MRAP: variants seen among roughly 807,000 people sequenced by gnomAD.
The protein encoded by MRAP is melanocortin-2 receptor accessory protein.
MRAP carries 8 observed loss-of-function variants against 8.7 expected under a neutral mutation model. The ratio of observed to expected loss-of-function variants is 0.92; its 90% CI spans 0.54 to 1.66. MRAP has a LOEUF of 1.66. Among genes scored for constraint, MRAP ranks in the 40% most tolerant of loss-of-function variants. The pLI is 0.00. For synonymous variants in MRAP, 95 were observed against 95.5 expected (o/e 1.00, Z 0.03); for missense variants, 237 against 217.1 (o/e 1.09, Z -0.58).
At chr21:32,293,796 T>C (rs2123487713) in intron 2 of MRAP, among the ~76,000 whole-genome samples, 1 of 152,354 alleles carries the variant, frequency 6.6e-6, no homozygotes, top group South Asian at 2.1e-4. Context: ...AATATAAGTA[T>C]GTCATTATTA....
chr21:32,311,907 T>C lies in MRAP; in HGVS notation c.430T>C (p.Trp144Arg), dbSNP rs2032587477. 1 of 1,613,860 alleles carries C rather than the reference T, an allele frequency of 6.2e-7. No individual in the cohort carries two copies. Among genetic ancestry groups the C allele is most frequent in the South Asian group, 1.1e-5 (1 of 91,082 alleles). The change falls in exon 3 of 3, where the codon TGG becomes CGG. Residue 144 changes from tryptophan to arginine, a missense_variant. Physicochemically the swap from Trp to Arg is moderately radical, Grantham distance 101 (BLOSUM62 -3). Coordinates refer to ENST00000303645, the MANE Select transcript of MRAP (RefSeq NM_001379228.1). ...TTTCCAGACCCACCCCACTCTCCTC[T>C]GGGAACTGACCCTCAATGGGGGTCC... ...GGFQTHPTLLWELTLNGGPLV... is the reference protein window; with the variant it reads ...GGFQTHPTLLRELTLNGGPLV...
intron 1 of MRAP, among the ~76,000 whole-genome samples, chr21:32,302,979 C>CTTTTTTTT (rs57692462): frequency 8.0e-6 from 1 of 124,244 alleles, no homozygotes. Flanking sequence ...CCCCAATTCC[C>CTTTTTTTT]TTTTTTTTTT....
chr21:32,304,562 C>A (rs1284332247), intron 1 of MRAP, among the ~76,000 whole-genome samples: 1 of 151,826 alleles, frequency 6.6e-6, no homozygotes, highest in Non-Finnish European at 1.5e-5. Context: ...TTGCAGTGAG[C>A]CGAGATTGTG....
At chr21:32,296,283 T>G (rs545399430), upstream of MRAP, among the ~76,000 whole-genome samples, 7 of 152,312 alleles carry the variant, frequency 4.6e-5, no homozygotes, top group East Asian at 1.4e-3. Context: ...TCTGAGATAC[T>G]GGGGGTGAAG....
At chr21:32,303,807 A>T (rs978010930) in intron 1 of MRAP, among the ~76,000 whole-genome samples, 1 of 152,256 alleles carries the variant, frequency 6.6e-6, no homozygotes, top group Non-Finnish European at 1.5e-5. Context: ...CTTCAGAAGG[A>T]AGAGGAAAAA....
intron 1 of MRAP, among the ~76,000 whole-genome samples, chr21:32,305,991 T>C (rs546396052): frequency 6.6e-6 from 1 of 152,266 alleles, no homozygotes; most frequent in East Asian, 1.9e-4. Flanking sequence ...AATACAGCCA[T>C]CATGCTGGTA....
intron 1 of MRAP, 86 bp from the exon 2 acceptor site, chr21:32,306,554 A>G: frequency 8.9e-7 from 1 of 1,121,938 alleles, no homozygotes; most frequent in South Asian, 1.3e-5. Flanking sequence ...CCCTCATTCC[A>G]CAATACCCTG....
At chr21:32,297,649 A>C (rs1292369741), upstream of MRAP, among the ~76,000 whole-genome samples, 3 of 152,232 alleles carry the variant, frequency 2.0e-5, no homozygotes, top group African/African-American at 7.2e-5. Context: ...ACATAGTGTC[A>C]GGATTGAGTT....
upstream of MRAP, among the ~76,000 whole-genome samples, chr21:32,297,252 T>C (rs1278631741): frequency 2.6e-5 from 4 of 152,276 alleles, no homozygotes; most frequent in East Asian, 1.9e-4. Context: ...GAACCAACCA[T>C]ATATTAGAGG....
rs569113088 is a variant in MRAP at position 32,300,379 on chromosome 21, CA to C, written c.106+1303del. On this transcript the variant is annotated intron_variant, in intron 1 of 2. Transcript: ENST00000303645. ...ATGTCAGATGTCACACATCCTATGT[CA>C]GGGGCGTCACGCATCCTATGTCGGA... Among the ~76,000 whole-genome samples the C allele has an allele frequency of 2.5e-3, 368 of 147,734 alleles. 1 individual carries two copies. The highest frequency in any genetic ancestry group is 8.6e-3 in the African/African-American group (341 of 39,574).
intron 1 of MRAP, 39 bp downstream of exon 1, chr21:32,299,116 G>A (rs1601096054): frequency 2.6e-6 from 4 of 1,538,072 alleles, no homozygotes; most frequent in African/African-American, 1.4e-5. Context: ...ACAGAGGCTG[G>A]GGGCCGGGGC....
rs139661314 is a variant in MRAP at position 32,303,049 on chromosome 21, G to A, written c.107-3591G>A. ...GGCTGGAGTGCAGTGACTCAATCTC[G>A]GCTCACTGCAACCTCTGCCTCCCAA... On this transcript the variant is annotated intron_variant, in intron 1 of 2. Coordinates refer to ENST00000303645, the MANE Select transcript of MRAP (RefSeq NM_001379228.1). Among the ~76,000 whole-genome samples, 249 of 137,012 alleles carry A rather than the reference G, an allele frequency of 1.8e-3. 1 individual carries two copies. The highest frequency in any genetic ancestry group is 6.5e-3 in the African/African-American group (233 of 35,932). The allele number at this position is 137,012 out of a possible 152,430, so 89.9% of individuals were successfully genotyped here.
rs1370627273 is a variant in MRAP at position 32,308,791 on chromosome 21, G to C, written c.206+2052G>C. The C allele has an allele frequency of 2.6e-5, 4 of 153,142 alleles. No homozygotes were observed. In the East Asian group the frequency reaches 7.7e-4, roughly 29 times the overall value. 9.5% of individuals were successfully genotyped at this position (153,142 alleles called of 1,614,324 possible). ...GAGGGATGGACCTGGTGGCTATGGG[G>C]GCTGCACTGATTGGTCCAGGAGGAG... On this transcript the variant is annotated intron_variant, in intron 2 of 2. Coordinates refer to ENST00000303645, the MANE Select transcript of MRAP (RefSeq NM_001379228.1).
chr21:32,314,512 G>A (rs367708511), downstream of MRAP: 10 of 1,580,804 alleles, frequency 6.3e-6, no homozygotes, highest in South Asian at 1.1e-5. Flanking sequence ...ATCTCTCTTC[G>A]TTTTCATAAA....
intron 1 of MRAP, among the ~76,000 whole-genome samples, chr21:32,301,096 GATATC>G (rs1434726936): frequency 8.1e-5 from 12 of 148,434 alleles, no homozygotes; most frequent in African/African-American, 2.6e-4. Flanking sequence ...TATCGTATAT[GATATC>G]ATATATCATA....
In MRAP at chr21:32,312,096, G is replaced by T; in HGVS notation, c.*100G>T. 7.6e-6 allele frequency: 12 copies of T among 1,587,438 alleles called. No individual in the cohort carries two copies. The highest frequency in any genetic ancestry group is 1.0e-5 in the Non-Finnish European group (12 of 1,173,224). ...TCTTAGAGGCCATTTGCATGTAGCAGAAAGGGCACCTAGGTCAAGTGCAAC... is the reference window on the plus strand; with the variant it reads ...TCTTAGAGGCCATTTGCATGTAGCATAAAGGGCACCTAGGTCAAGTGCAAC... On this transcript the variant is annotated 3_prime_UTR_variant, in exon 3 of 3. Coordinates refer to ENST00000303645, the MANE Select transcript of MRAP (RefSeq NM_001379228.1).
chr21:32,304,304 G>T lies in MRAP; in HGVS notation c.107-2336G>T, dbSNP rs377475098. On this transcript the variant is annotated intron_variant, in intron 1 of 2. Transcript: ENST00000303645. ...GGGGTGGGCAAGGAAGGCTAAGAGA[G>T]TCAGAGGCTTCTTTCAAAAATCCTT... 3.9e-5 allele frequency among the ~76,000 whole-genome samples: 6 copies of T among 152,268 alleles called. No homozygotes were observed. The South Asian group carries it at 1.0e-3, about 26-fold the overall frequency.
At position 32,312,069 on chromosome 21, in the gene MRAP, C is replaced by T. The variant is rs2032595330; in HGVS notation, c.*73C>T. The T allele has an allele frequency of 6.2e-7, 1 of 1,604,866 alleles. No individual in the cohort carries two copies. Among genetic ancestry groups the T allele is most frequent in the Non-Finnish European group, 8.5e-7 (1 of 1,179,430 alleles). On this transcript the variant is annotated 3_prime_UTR_variant, in exon 3 of 3. Coordinates refer to ENST00000303645, the MANE Select transcript of MRAP (RefSeq NM_001379228.1). The stretch of plus-strand genomic sequence containing the variant: ...AACCTGGACACATACGTTCCTCGTT[C>T]TTCTTAGAGGCCATTTGCATGTAGC...
At chr21:32,301,029 T>TA (rs1394912043) in intron 1 of MRAP, among the ~76,000 whole-genome samples, 1 of 149,268 alleles carries the variant, frequency 6.7e-6, no homozygotes. Flanking sequence ...ATGTATCAGA[T>TA]ATATCAAATA....
Sources: gnomAD v4.1 joint callset for allele counts (sites outside exome capture counted in the v4.1 genomes callset) on GRCh38, gnomAD v4.1.1 for gene constraint, MANE v1.5 for transcripts, NCBI Gene and HGNC (gene_info 2026-07-23, HGNC 2026-07-21) for gene names.